PARP8: variants seen among roughly 807,000 people sequenced by gnomAD.
PARP8 encodes the protein protein mono-ADP-ribosyltransferase PARP8.
A neutral mutation model predicts 124.1 loss-of-function variants in PARP8; 51 were observed. The ratio of observed to expected loss-of-function variants is 0.41; its 90% confidence interval spans 0.33 to 0.52. The LOEUF (loss-of-function observed/expected upper bound fraction) is 0.52. Ranked by LOEUF, PARP8 falls within the 20% of genes least tolerant of loss-of-function variation. PARP8 has a pLI of 0.21. For synonymous variants in PARP8, 391 were observed against 361.5 expected (o/e 1.08, Z -0.93); for missense variants, 860 against 1,018.9 (o/e 0.84, Z 2.12).
Position 50,788,554 on chromosome 5 carries a change from A to G in PARP8, c.702A>G (p.Thr234=), listed in dbSNP as rs375585016. 1.3e-5 allele frequency: 21 copies of G among 1,613,424 alleles called. No homozygotes were observed. Among genetic ancestry groups the G allele is most frequent in the Admixed American group, 1.7e-5 (1 of 59,922 alleles). The change falls in exon 10 of 26, where the codon ACA becomes ACG. Residue 234 remains threonine (T), a synonymous_variant. Coordinates refer to ENST00000281631, the MANE Select transcript of PARP8 (RefSeq NM_024615.4). ...VPTVDVFQIS[T]KERFGLGHQL... ...CTGTTGATGTCTTTCAGATTTCCAC[A>G]AAAGAGCGATTTGGATTGGGACATC...
At chr5:50,825,677 C>T (rs1746265044) in intron 18 of PARP8, among the ~76,000 whole-genome samples, 1 of 152,132 alleles carries the variant, frequency 6.6e-6, no homozygotes, top group South Asian at 2.1e-4. Context: ...GTTTTATACA[C>T]ATGTCTCTTT....
chr5:50,689,133 T>A (rs1167426328), intron 2 of PARP8, among the ~76,000 whole-genome samples: 1 of 150,158 alleles, frequency 6.7e-6, no homozygotes, highest in Non-Finnish European at 1.5e-5. Context: ...GGGAAAGAGA[T>A]CCTTAATCCA....
intron 7 of PARP8, among the ~76,000 whole-genome samples, chr5:50,764,121 T>C (rs1442520443): frequency 6.6e-6 from 1 of 152,234 alleles, no homozygotes; most frequent in Non-Finnish European, 1.5e-5. Flanking sequence ...GCAGATAAGT[T>C]ACTCTGTTCT....
intron 12 of PARP8, among the ~76,000 whole-genome samples, chr5:50,795,865 A>G (rs1742483574): frequency 1.3e-5 from 2 of 152,244 alleles, no homozygotes; most frequent in Admixed American, 1.3e-4. Flanking sequence ...CACTCTGCCC[A>G]TGCATGTTTT....
chr5:50,784,603 A>G (rs1162378825), intron 9 of PARP8, among the ~76,000 whole-genome samples: 2 of 152,152 alleles, frequency 1.3e-5, no homozygotes, highest in Non-Finnish European at 2.9e-5. Context: ...TCCCAACTGC[A>G]GTTATATGAG....
intron 14 of PARP8, among the ~76,000 whole-genome samples, chr5:50,802,341 T>G (rs1432052008): frequency 1.3e-5 from 2 of 152,176 alleles, no homozygotes; most frequent in Non-Finnish European, 1.5e-5. Flanking sequence ...AAGAGACAGA[T>G]CTTGCTCTGT....
chr5:50,760,031 A>G (rs1469099835), intron 4 of PARP8, among the ~76,000 whole-genome samples: 1 of 152,340 alleles, frequency 6.6e-6, no homozygotes, highest in East Asian at 1.9e-4. Flanking sequence ...AGCAATGAAG[A>G]CACCATGAAA....
chr5:50,774,775 G>A (rs1739753403), intron 7 of PARP8, among the ~76,000 whole-genome samples: 1 of 142,794 alleles, frequency 7.0e-6, no homozygotes, highest in Non-Finnish European at 1.5e-5. Flanking sequence ...AGACGGGGCG[G>A]CCGGGCAGAG....
At chr5:50,672,975 C>A (rs974907637) in intron 2 of PARP8, among the ~76,000 whole-genome samples, 1 of 152,114 alleles carries the variant, frequency 6.6e-6, no homozygotes, top group African/African-American at 2.4e-5. Flanking sequence ...ACTTTGAAGC[C>A]ATTCAGTGTT....
intron 2 of PARP8, among the ~76,000 whole-genome samples, chr5:50,710,499 A>G (rs1253456624): frequency 6.6e-6 from 1 of 152,058 alleles, no homozygotes; most frequent in Non-Finnish European, 1.5e-5. Context: ...CCTTTTTTAA[A>G]AAAGTTTTTT....
At position 50,826,691 on chromosome 5, in the gene PARP8, T is replaced by G. The variant is rs547908020; in HGVS notation, c.1929-64T>G. The G allele has an allele frequency of 2.2e-5, 33 of 1,515,354 alleles. 1 individual carries two copies. In the East Asian group the frequency reaches 7.1e-4, roughly 33 times the overall value. The allele number at this position is 1,515,354 out of a possible 1,614,324, so 93.9% of individuals were successfully genotyped here. The stretch of plus-strand genomic sequence containing the variant: ...AAATAAGTTTTAATCGGTTGCCAAC[T>G]AAGAAAAAGAACTTTAAATATATTT... On this transcript the variant is annotated intron_variant, in intron 18 of 25. Coordinates refer to ENST00000281631, the MANE Select transcript of PARP8 (RefSeq NM_024615.4).
intron 7 of PARP8, among the ~76,000 whole-genome samples, chr5:50,770,604 G>T (rs1580277999): frequency 6.6e-6 from 1 of 150,442 alleles, no homozygotes; most frequent in African/African-American, 2.4e-5. Context: ...GAAAGAAAAA[G>T]AAAGGAAGGA....
In PARP8 at chr5:50,846,106, A is replaced by G. The variant is rs748742084; in HGVS notation, c.*4038A>G. The G allele has an allele frequency of 1.3e-5, 2 of 151,812 alleles. No individual in the cohort carries two copies. Among genetic ancestry groups the G allele is most frequent in the South Asian group, 4.1e-4 (2 of 4,826 alleles). 9.4% of individuals were successfully genotyped at this position (151,812 alleles called of 1,614,324 possible). A position where few individuals can be genotyped will look rare whatever the true frequency, so the allele number is the denominator to read the frequency against. ...TCAGTAAAAAATAGTGCTTATTTACATAGTCAATATAATTTAATGTTCTAA... is the reference window on the plus strand; with the variant it reads ...TCAGTAAAAAATAGTGCTTATTTACGTAGTCAATATAATTTAATGTTCTAA... On this transcript the variant is annotated 3_prime_UTR_variant, in exon 26 of 26. Coordinates refer to ENST00000281631, the MANE Select transcript of PARP8 (RefSeq NM_024615.4).
At chr5:50,837,939 A>G (rs1265921412) in intron 25 of PARP8, among the ~76,000 whole-genome samples, 3 of 152,152 alleles carry the variant, frequency 2.0e-5, no homozygotes, top group Admixed American at 1.3e-4. Context: ...CCTAGTTTCT[A>G]GAAACTGTGA....
In PARP8 at chr5:50,822,374, A is replaced by G. The variant is rs1745857496; in HGVS notation, c.1834A>G (p.Ile612Val). 12 of 1,611,200 alleles carry G rather than the reference A, an allele frequency of 7.4e-6. No individual in the cohort carries two copies. Among genetic ancestry groups the G allele is most frequent in the Non-Finnish European group, 1.0e-5 (12 of 1,177,584 alleles). ...YDRVMKALDS[I>V]TSIREMTQAP... ...TCGAGTAATGAAAGCACTGGATAGC[A>G]TAACTTCTATCAGAGAAATGACACA... The change falls in exon 17 of 26, where the codon ATA becomes GTA. Residue 612 changes from isoleucine (I) to valine (V), a missense_variant. Physicochemically the swap from Ile to Val is conservative, Grantham distance 29. This residue lies in a region of PARP8 where 343 missense variants were observed against 474.7 expected (regional missense o/e 0.72). Transcript: ENST00000281631.
chr5:50,811,339 G>T (rs1190860542), intron 14 of PARP8, among the ~76,000 whole-genome samples: 2 of 151,790 alleles, frequency 1.3e-5, no homozygotes, highest in Non-Finnish European at 2.9e-5. Context: ...TTTATAATAA[G>T]CACTGAAATT....
At chr5:50,790,379 G>T (rs1741810306) in intron 10 of PARP8, among the ~76,000 whole-genome samples, 2 of 152,090 alleles carry the variant, frequency 1.3e-5, no homozygotes, top group South Asian at 2.1e-4. Flanking sequence ...TATCCTGCGT[G>T]TCTTGGAGAT....
intron 25 of PARP8, among the ~76,000 whole-genome samples, chr5:50,835,300 T>C (rs147405538): frequency 4.6e-5 from 7 of 152,316 alleles, no homozygotes; most frequent in African/African-American, 1.7e-4. Flanking sequence ...CCCAATACTT[T>C]GGGAAGCCGA....
intron 2 of PARP8, among the ~76,000 whole-genome samples, chr5:50,733,210 C>T (rs927607950): frequency 1.3e-5 from 2 of 151,628 alleles, no homozygotes; most frequent in African/African-American, 4.8e-5. Context: ...AGGGGAATTG[C>T]TTGAACCAGG....
Sources: gnomAD v4.1 joint callset for allele counts (sites outside exome capture counted in the v4.1 genomes callset) on GRCh38, gnomAD v4.1.1 for gene constraint, gnomAD v4.1.1 regional missense constraint, MANE v1.5 for transcripts, NCBI Gene and HGNC (gene_info 2026-07-23, HGNC 2026-07-21) for gene names.